Variants in CPNE4 observed in about 807,000 individuals in gnomAD.
The protein encoded by CPNE4 is copine 4, also known as copine-4.
In CPNE4, 25 loss-of-function variants were observed where a neutral mutation model predicts 67.9. That is an observed-to-expected ratio of 0.37 (90% CI 0.27 to 0.51). CPNE4 has a LOEUF of 0.51. CPNE4 is among the 20% of genes least tolerant of loss of function. The pLI is 0.93. For missense variants in CPNE4, 464 were observed against 690.8 expected, an observed-to-expected ratio of 0.67 and a Z score of 3.68; for synonymous variants, 242 against 244.9, an observed-to-expected ratio of 0.99 and a Z score of 0.11.
At chr3:132,012,344 AT>A (rs904417665) in intron 1 of CPNE4, among the ~76,000 whole-genome samples, 1 of 151,840 alleles carries the variant, frequency 6.6e-6, no homozygotes, top group Non-Finnish European at 1.5e-5. Context: ...AATTTTTGTA[AT>A]TTTAGTAGAG....
At chr3:131,752,458 C>G (rs757484700) in intron 2 of CPNE4, among the ~76,000 whole-genome samples, 6 of 152,026 alleles carry the variant, frequency 3.9e-5, no homozygotes, top group Non-Finnish European at 8.8e-5. Flanking sequence ...GCTTCTTCAG[C>G]TCTTGGTCTG....
At chr3:131,977,225 A>C (rs933215552) in intron 1 of CPNE4, among the ~76,000 whole-genome samples, 1 of 152,194 alleles carries the variant, frequency 6.6e-6, no homozygotes, top group Non-Finnish European at 1.5e-5. Flanking sequence ...AGCATCTTGG[A>C]GCTAAAGGGT....
intron 2 of CPNE4, among the ~76,000 whole-genome samples, chr3:131,882,137 TAC>T (rs35615774): frequency 0.32 from 48,460 of 150,562 alleles, 8,214 homozygotes; most frequent in Non-Finnish European, 0.37. Context: ...TCAGTTCTAA[TAC>T]ACACACACAC....
At chr3:131,916,315 G>A (rs1048068004) in intron 1 of CPNE4, among the ~76,000 whole-genome samples, 1 of 150,364 alleles carries the variant, frequency 6.7e-6, no homozygotes, top group Non-Finnish European at 1.5e-5. Context: ...GAAGCTGGGG[G>A]GCTCACAACG....
chr3:131,982,187 C>T (rs975341284), intron 1 of CPNE4, among the ~76,000 whole-genome samples: 5 of 152,180 alleles, frequency 3.3e-5, no homozygotes, highest in Non-Finnish European at 7.3e-5. Context: ...CATTGCTTGA[C>T]TTCATTTATC....
rs548755263 is a variant in CPNE4 at position 131,866,237 on chromosome 3, A to C, written c.180+39027T>G. Reference sequence around the variant, plus strand: ...AATTGCAATCAGCTGAGAGTGAGAGAGTCTCCACAACAGTGATGCAAACTC... The same window carrying C: ...AATTGCAATCAGCTGAGAGTGAGAGCGTCTCCACAACAGTGATGCAAACTC... On this transcript the variant is annotated intron_variant, in intron 2 of 15. Coordinates refer to ENST00000429747, the MANE Select transcript of CPNE4 (RefSeq NM_130808.3). 1.8e-3 allele frequency among the ~76,000 whole-genome samples: 10 copies of C among 5,624 alleles called. No homozygotes were observed. In the East Asian group the frequency reaches 0.28, roughly 156 times the overall value. The allele number at this position is 5,624 out of a possible 152,430, so 3.7% of individuals were successfully genotyped here.
intron 1 of CPNE4, among the ~76,000 whole-genome samples, chr3:131,912,630 A>G (rs953108799): frequency 2.0e-5 from 3 of 152,102 alleles, no homozygotes; most frequent in Admixed American, 1.3e-4. Context: ...TTGTCAATCC[A>G]TTTCCTAGGC....
At chr3:132,017,304 G>A (rs1256214889) in intron 1 of CPNE4, among the ~76,000 whole-genome samples, 1 of 151,258 alleles carries the variant, frequency 6.6e-6, no homozygotes, top group African/African-American at 2.4e-5. Context: ...GATGGGAGAA[G>A]GGAAGAAAGA....
At chr3:131,914,837 G>A (rs2089123773) in intron 1 of CPNE4, among the ~76,000 whole-genome samples, 1 of 152,126 alleles carries the variant, frequency 6.6e-6, no homozygotes, top group Admixed American at 6.5e-5. Flanking sequence ...TTAGCTGGGT[G>A]TGGTGGTGCA....
intron 7 of CPNE4, among the ~76,000 whole-genome samples, chr3:131,656,064 T>G (rs1160613350): frequency 6.6e-6 from 1 of 151,786 alleles, no homozygotes; most frequent in Admixed American, 6.6e-5. Context: ...TTTTTTTTTT[T>G]TTTTTTGTGA....
intron 2 of CPNE4, among the ~76,000 whole-genome samples, chr3:131,864,790 T>G (rs1479487785): frequency 1.3e-5 from 2 of 152,112 alleles, no homozygotes; most frequent in Non-Finnish European, 2.9e-5. Flanking sequence ...GTGCCAGTTT[T>G]CAAAGGGAAT....
chr3:131,647,672 T>C (rs2079699228), intron 7 of CPNE4, among the ~76,000 whole-genome samples: 1 of 152,184 alleles, frequency 6.6e-6, no homozygotes, highest in Non-Finnish European at 1.5e-5. Flanking sequence ...TCTAGTTACT[T>C]GATCTTGAGG....
chr3:131,806,543 C>T (rs1269748370), intron 2 of CPNE4, among the ~76,000 whole-genome samples: 3 of 137,502 alleles, frequency 2.2e-5, no homozygotes, highest in African/African-American at 8.6e-5. Context: ...GAGTGAGACT[C>T]CGTCTCAAAA....
At chr3:131,598,962 T>C (rs183224981) in intron 7 of CPNE4, among the ~76,000 whole-genome samples, 2 of 149,844 alleles carry the variant, frequency 1.3e-5, no homozygotes, top group Non-Finnish European at 3.0e-5. Flanking sequence ...GCCAATTGGG[T>C]CAGAAAGGTA....
At chr3:131,548,299 A>G (rs2107639810) in intron 14 of CPNE4, among the ~76,000 whole-genome samples, 1 of 152,256 alleles carries the variant, frequency 6.6e-6, no homozygotes, top group Admixed American at 6.5e-5. Context: ...AGTAGTATTT[A>G]TTAAGCATGT....
At chr3:131,746,862 G>A (rs996717721) in intron 2 of CPNE4, among the ~76,000 whole-genome samples, 3 of 152,006 alleles carry the variant, frequency 2.0e-5, no homozygotes, top group African/African-American at 4.8e-5. Flanking sequence ...TTCCCATAAT[G>A]GCTGTATTAA....
intron 1 of CPNE4, among the ~76,000 whole-genome samples, chr3:131,956,429 A>G (rs186968669): frequency 5.3e-4 from 81 of 152,280 alleles, no homozygotes; most frequent in African/African-American, 1.8e-3. Flanking sequence ...GGTTTTCTAT[A>G]ACTCCATCGT....
chr3:131,949,239 A>G (rs1710146524), intron 1 of CPNE4, among the ~76,000 whole-genome samples: 1 of 152,202 alleles, frequency 6.6e-6, no homozygotes, highest in African/African-American at 2.4e-5. Flanking sequence ...AGTTATTTGA[A>G]AATTATAAAT....
At chr3:131,822,994 A>G (rs1180927884) in intron 2 of CPNE4, among the ~76,000 whole-genome samples, 5 of 151,892 alleles carry the variant, frequency 3.3e-5, no homozygotes, top group Non-Finnish European at 4.4e-5. Context: ...ATGTGCCACC[A>G]CACCCAGCTA....
Sources: allele counts gnomAD v4.1 joint callset (sites outside exome capture counted in the v4.1 genomes callset), GRCh38; gene constraint gnomAD v4.1.1; transcripts MANE v1.5; gene names NCBI Gene and HGNC (gene_info 2026-07-23, HGNC 2026-07-21).